PTCSC3: variants seen among roughly 807,000 people sequenced by gnomAD.
PTCSC3 encodes the protein papillary thyroid carcinoma susceptibility candidate 3 (non-protein coding).
intron 2 of PTCSC3, among the ~76,000 whole-genome samples, chr14:36,160,781 T>C (rs1240893627): frequency 6.6e-6 from 1 of 152,196 alleles, no homozygotes; most frequent in Admixed American, 6.5e-5. Context: ...TCTTGCTAGG[T>C]TGGGGGAGTT....
intron 1 of PTCSC3, among the ~76,000 whole-genome samples, chr14:36,171,562 T>G (rs1882193471): frequency 6.6e-6 from 1 of 152,196 alleles, no homozygotes; most frequent in Admixed American, 6.5e-5. Flanking sequence ...ACAATCTAAT[T>G]GGGCATTTCT....
At chr14:36,167,508 C>T (rs59486690) in intron 1 of PTCSC3, among the ~76,000 whole-genome samples, 6 of 152,246 alleles carry the variant, frequency 3.9e-5, no homozygotes, top group African/African-American at 1.4e-4. Context: ...CTTCGATAGT[C>T]ATGTTCAGTC....
intron 1 of PTCSC3, among the ~76,000 whole-genome samples, chr14:36,169,665 C>T (rs548832266): frequency 7.9e-5 from 12 of 152,214 alleles, no homozygotes; most frequent in African/African-American, 2.2e-4. Flanking sequence ...GAACAATAAG[C>T]AGTACCTCTT....
chr14:36,166,360 G>T (rs372091601), intron 1 of PTCSC3, among the ~76,000 whole-genome samples: 2 of 152,134 alleles, frequency 1.3e-5, no homozygotes, highest in Non-Finnish European at 2.9e-5. Flanking sequence ...TTAAATTAAG[G>T]CTCAACTACG....
intron 1 of PTCSC3, among the ~76,000 whole-genome samples, chr14:36,173,369 C>T (rs1882223487): frequency 6.6e-6 from 1 of 152,156 alleles, no homozygotes; most frequent in Non-Finnish European, 1.5e-5. Flanking sequence ...AACTCTGAAT[C>T]ATAGCCCTCT....
intron 3 of PTCSC3, among the ~76,000 whole-genome samples, chr14:36,141,281 G>T (rs1881414524): frequency 6.6e-6 from 1 of 151,950 alleles, no homozygotes; most frequent in African/African-American, 2.4e-5. Flanking sequence ...CAGCTTGCTA[G>T]GAATTTGATT....
chr14:36,143,072 G>A (rs1292426466), intron 3 of PTCSC3, among the ~76,000 whole-genome samples: 3 of 151,654 alleles, frequency 2.0e-5, no homozygotes, highest in Non-Finnish European at 2.9e-5. Flanking sequence ...GGACATTTGG[G>A]TTAGTTCCAA....
At chr14:36,168,785 T>G (rs1462680690) in intron 1 of PTCSC3, among the ~76,000 whole-genome samples, 1 of 152,002 alleles carries the variant, frequency 6.6e-6, no homozygotes, top group African/African-American at 2.4e-5. Context: ...CTGGCTAACT[T>G]AAAACATTTT....
chr14:36,147,395 C>G (rs1169259585), intron 3 of PTCSC3, among the ~76,000 whole-genome samples: 3 of 152,122 alleles, frequency 2.0e-5, no homozygotes, highest in Non-Finnish European at 4.4e-5. Flanking sequence ...CTTCCCTTCT[C>G]CCTTCATTTC....
At chr14:36,137,387 T>C (rs1415095703) in intron 3 of PTCSC3, among the ~76,000 whole-genome samples, 4 of 152,212 alleles carry the variant, frequency 2.6e-5, no homozygotes, top group East Asian at 1.9e-4. Flanking sequence ...CTTTAGATTA[T>C]ACTCTGAATG....
At chr14:36,135,604 T>A (rs1881267756), downstream of PTCSC3, among the ~76,000 whole-genome samples, 1 of 152,180 alleles carries the variant, frequency 6.6e-6, no homozygotes, top group South Asian at 2.1e-4. Context: ...GACTTCAAAA[T>A]TTTCTGTCTG....
At chr14:36,152,112 G>C (rs576982091) in intron 3 of PTCSC3, among the ~76,000 whole-genome samples, 1 of 152,078 alleles carries the variant, frequency 6.6e-6, no homozygotes, top group Non-Finnish European at 1.5e-5. Context: ...GAAATCATAA[G>C]TCTTCTCTGT....
intron 1 of PTCSC3, among the ~76,000 whole-genome samples, chr14:36,171,275 T>C (rs1384603604): frequency 1.3e-5 from 2 of 152,192 alleles, no homozygotes; most frequent in African/African-American, 2.4e-5. Context: ...AAACACACTA[T>C]CTAGCTGCCA....
At chr14:36,173,278 G>A (rs1882220950) in intron 1 of PTCSC3, among the ~76,000 whole-genome samples, 1 of 152,046 alleles carries the variant, frequency 6.6e-6, no homozygotes, top group African/African-American at 2.4e-5. Flanking sequence ...AAAATGTACA[G>A]AGATGGGTAG....
downstream of PTCSC3, among the ~76,000 whole-genome samples, chr14:36,135,267 T>G (rs1352504717): frequency 6.6e-6 from 1 of 152,166 alleles, no homozygotes; most frequent in East Asian, 1.9e-4. Context: ...GAATGGAATT[T>G]AGTTTGTATG....
intron 3 of PTCSC3, among the ~76,000 whole-genome samples, chr14:36,145,122 T>C (rs1881529725): frequency 7.4e-6 from 1 of 135,838 alleles, no homozygotes; most frequent in Non-Finnish European, 1.6e-5. Flanking sequence ...TAAAATTCTC[T>C]TTTTTTGTTG....
chr14:36,165,338 C>T, intron 1 of PTCSC3: 1 of 152,152 alleles, frequency 6.6e-6, no homozygotes. Flanking sequence ...GCTGTCCCTC[C>T]CCTAAGGTTA....
chr14:36,143,980 G>A (rs552182117), intron 3 of PTCSC3, among the ~76,000 whole-genome samples: 238 of 152,160 alleles, frequency 1.6e-3, no homozygotes, highest in Middle Eastern at 3.4e-3. Context: ...GTTATGTGGC[G>A]TTACTTCTGA....
intron 1 of PTCSC3, among the ~76,000 whole-genome samples, chr14:36,171,384 A>G (rs1169150): frequency 0.58 from 88,349 of 151,916 alleles, 27,107 homozygotes; most frequent in Non-Finnish European, 0.69. Flanking sequence ...TGGCAGAAAA[A>G]TAATTGAGGC....
Sources: allele counts gnomAD v4.1 joint callset (sites outside exome capture counted in the v4.1 genomes callset), GRCh38; gene constraint gnomAD v4.1.1; transcripts MANE v1.5; gene names NCBI Gene and HGNC (gene_info 2026-07-23, HGNC 2026-07-21).